The following P4HA2 variants were observed in gnomAD, a reference collection of about 807,000 sequenced individuals.
The protein encoded by P4HA2 is prolyl 4-hydroxylase subunit alpha 2.
In P4HA2, 46 loss-of-function variants were observed where a neutral mutation model predicts 76.9. The observed-to-expected ratio is 0.60, with a 90% CI of 0.47 to 0.76. P4HA2 has a LOEUF of 0.76. Ranked by LOEUF, P4HA2 falls within the 30% of genes least tolerant of loss-of-function variation. The probability of loss-of-function intolerance (pLI) is 0.00; values close to 1 mark genes in which losing one functional copy is unlikely to be tolerated. For synonymous variants in P4HA2, 243 were observed against 254.0 expected (o/e 0.96, Z 0.41); for missense variants, 583 against 669.4 (o/e 0.87, Z 1.42).
chr5:132,195,191 A>G, intron 13 of P4HA2, 169 bp from the exon 14 acceptor site: 1 of 638,438 alleles, frequency 1.6e-6, no homozygotes, highest in Non-Finnish European at 2.8e-6. Flanking sequence ...GAAAGCACCT[A>G]CCTTTCTGAG....
At chr5:132,197,066 C>T (rs931033344) in intron 12 of P4HA2, among the ~76,000 whole-genome samples, 1 of 152,160 alleles carries the variant, frequency 6.6e-6, no homozygotes, top group Non-Finnish European at 1.5e-5. Flanking sequence ...ACTTTACTGC[C>T]TCTATGCCTC....
chr5:132,206,984 A>G (rs1490312019), intron 8 of P4HA2, among the ~76,000 whole-genome samples: 2 of 152,230 alleles, frequency 1.3e-5, no homozygotes, highest in Non-Finnish European at 2.9e-5. Context: ...CATCATTATG[A>G]GCAGCTGTTC....
chr5:132,216,382 C>G (rs1338572567), intron 4 of P4HA2, among the ~76,000 whole-genome samples: 1 of 151,966 alleles, frequency 6.6e-6, no homozygotes, highest in Non-Finnish European at 1.5e-5. Context: ...TAGGAACTTA[C>G]CCTAAAAAAG....
chr5:132,198,175 C>A, intron 12 of P4HA2, 146 bp downstream of exon 12: 2 of 1,613,896 alleles, frequency 1.2e-6, no homozygotes, highest in South Asian at 2.2e-5. Flanking sequence ...CCAGGGTCCC[C>A]TTAGGGCTCA....
chr5:132,194,557 C>T (rs1264929982), intron 14 of P4HA2, among the ~76,000 whole-genome samples: 1 of 151,936 alleles, frequency 6.6e-6, no homozygotes, highest in Non-Finnish European at 1.5e-5. Context: ...TGGTTTTAGC[C>T]TGTGCCTCCA....
intron 12 of P4HA2, among the ~76,000 whole-genome samples, chr5:132,196,113 T>C (rs1004903584): frequency 6.6e-6 from 1 of 152,228 alleles, no homozygotes; most frequent in South Asian, 2.1e-4. Context: ...CCTTGACTCA[T>C]GGCCAAAGCA....
chr5:132,214,267 CTG>C (rs918652224), intron 4 of P4HA2, among the ~76,000 whole-genome samples: 1 of 152,052 alleles, frequency 6.6e-6, no homozygotes, highest in African/African-American at 2.4e-5. Flanking sequence ...TACCTACTGC[CTG>C]TGTTGCTCTT....
At chr5:132,222,380 T>TG in intron 1 of P4HA2, among the ~76,000 whole-genome samples, 1 of 152,202 alleles carries the variant, frequency 6.6e-6, no homozygotes, top group East Asian at 1.9e-4. Flanking sequence ...TAGGCAAGTA[T>TG]GGGGGGTACC....
rs1749786086 is a variant in P4HA2 at position 132,190,193 on chromosome 5, T to C, written c.*2817A>G. Among the ~76,000 whole-genome samples, 1 of 152,196 alleles carries C rather than the reference T, an allele frequency of 6.6e-6. No homozygotes were observed. The highest frequency in any genetic ancestry group is 1.5e-5 in the Non-Finnish European group (1 of 68,036). On this transcript the variant is annotated 3_prime_UTR_variant, in exon 15 of 15. Transcript: ENST00000360568. ...TTTCCACAATTGATTAAGGATACCA[T>C]TGTACAAATTCAAGAATCCAAAAAA... is the stretch of plus-strand genomic sequence containing the variant.
chr5:132,217,934 A>C (rs1375796724), intron 2 of P4HA2, 86 bp from the exon 3 acceptor site: 1 of 766,102 alleles, frequency 1.3e-6, no homozygotes, highest in Non-Finnish European at 2.2e-6. Flanking sequence ...ACCAGCACAG[A>C]AGCAAGTCCC....
chr5:132,208,021 T>C (rs1752437995), intron 7 of P4HA2, 137 bp from the exon 8 acceptor site: 1 of 638,314 alleles, frequency 1.6e-6, no homozygotes, highest in East Asian at 3.0e-5. Context: ...AAAACAAAAG[T>C]CCCAGCAGGT....
chr5:132,206,995 A>G (rs1752288862), intron 8 of P4HA2, among the ~76,000 whole-genome samples: 1 of 152,244 alleles, frequency 6.6e-6, no homozygotes. Context: ...GCAGCTGTTC[A>G]TAACTGTGAC....
Position 132,214,062 on chromosome 5 carries a change from T to A in P4HA2, c.332-9A>T, listed in dbSNP as rs749745159. On this transcript the variant is annotated splice_polypyrimidine_tract_variant and intron_variant, in intron 4 of 14. Transcript: ENST00000360568. ...GAGGTTGGCGATAAAACCTTCCAAA[T>A]GAGAGTCAGAACAAGAGATTACCCT... 5.0e-6 allele frequency: 8 copies of A among 1,613,476 alleles called. No individual in the cohort carries two copies. The highest frequency in any genetic ancestry group is 6.8e-6 in the Non-Finnish European group (8 of 1,179,808).
chr5:132,198,237 G>C (rs778443240), intron 12 of P4HA2, 84 bp downstream of exon 12: 1 of 1,614,164 alleles, frequency 6.2e-7, no homozygotes, highest in South Asian at 1.1e-5. Flanking sequence ...ACGATTCCCC[G>C]TCCCTAAATG....
In P4HA2 at chr5:132,191,993, A is replaced by T. The variant is rs1749959092; in HGVS notation, c.*1017T>A. The T allele has an allele frequency of 6.6e-6, 1 of 152,266 alleles. No individual in the cohort carries two copies. Among genetic ancestry groups the T allele is most frequent in the Non-Finnish European group, 1.5e-5 (1 of 68,054 alleles). The allele number at this position is 152,266 out of a possible 1,614,324, so 9.4% of individuals were successfully genotyped here. A position where few individuals can be genotyped will look rare whatever the true frequency, so the allele number is the denominator to read the frequency against. On this transcript the variant is annotated 3_prime_UTR_variant, in exon 15 of 15. Coordinates refer to ENST00000360568, the MANE Select transcript of P4HA2 (RefSeq NM_001017974.2). Reference sequence around the variant, plus strand: ...ATCTTAAAACAATGTTGAACAAAAGAAGCCACATACCCAAAAATATTTACT... The same window carrying T: ...ATCTTAAAACAATGTTGAACAAAAGTAGCCACATACCCAAAAATATTTACT...
In P4HA2 at chr5:132,210,521, T is replaced by C; in HGVS notation, c.472A>G (p.Thr158Ala). 6.2e-7 allele frequency: 1 copy of C among 1,613,992 alleles called. No individual in the cohort carries two copies. Among genetic ancestry groups the C allele is most frequent in the South Asian group, 1.1e-5 (1 of 91,080 alleles). ...ACACTCAGCATTGCCTGGTACTTGG[T>C]TCCTACAGCAGGGGAAGTAAATTGT... ...GTISRGELPG[T>A]KYQAMLSVDD... Residue 158 changes from threonine to alanine, a missense_variant and splice_region_variant, in exon 6 of 15, where the codon ACC (threonine) becomes GCC (alanine). Transcript: ENST00000360568.
chr5:132,213,784 A>C, intron 5 of P4HA2, 132 bp downstream of exon 5: 1 of 794,404 alleles, frequency 1.3e-6, no homozygotes, highest in Non-Finnish European at 2.1e-6. Flanking sequence ...GGAGTCCAGC[A>C]CAAACTGGTG....
chr5:132,194,204 G>A (rs1750259751), intron 14 of P4HA2, among the ~76,000 whole-genome samples: 1 of 152,058 alleles, frequency 6.6e-6, no homozygotes, highest in African/African-American at 2.4e-5. Context: ...TTACACCTGA[G>A]CCATCTAGTA....
At chr5:132,197,631 A>G (rs1334884670) in intron 12 of P4HA2, among the ~76,000 whole-genome samples, 1 of 149,178 alleles carries the variant, frequency 6.7e-6, no homozygotes, top group African/African-American at 2.5e-5. Context: ...AAAAAAAAAA[A>G]GAAGAAGAAG....
Sources: allele counts gnomAD v4.1 joint callset (sites outside exome capture counted in the v4.1 genomes callset), GRCh38; gene constraint gnomAD v4.1.1; transcripts MANE v1.5; gene names NCBI Gene and HGNC (gene_info 2026-07-23, HGNC 2026-07-21).